The following SMC1B variants were observed in gnomAD, a reference collection of about 807,000 sequenced individuals.
SMC1B encodes the protein structural maintenance of chromosomes 1B.
SMC1B carries 60 observed loss-of-function variants against 157.9 expected under a neutral mutation model. The ratio of observed to expected loss-of-function variants is 0.38; its 90% confidence interval spans 0.31 to 0.47. The LOEUF (loss-of-function observed/expected upper bound fraction) is 0.47, where lower values mean the gene tolerates loss of function less well. Among genes scored for constraint, SMC1B ranks in the 20% least tolerant of loss-of-function variants. SMC1B has a pLI of 0.99. For missense variants in SMC1B, 1,165 were observed against 1,426.2 expected, an observed-to-expected ratio of 0.82 and a Z score of 2.95; for synonymous variants, 445 against 483.0, an observed-to-expected ratio of 0.92 and a Z score of 1.03.
intron 12 of SMC1B, among the ~76,000 whole-genome samples, chr22:45,377,957 T>C (rs1475281222): frequency 6.6e-6 from 1 of 152,014 alleles, no homozygotes. Context: ...TAAGTGTTCC[T>C]CCTGCCAAGT....
intron 5 of SMC1B, among the ~76,000 whole-genome samples, chr22:45,400,384 A>G (rs2087178537): frequency 6.6e-6 from 1 of 152,224 alleles, no homozygotes; most frequent in South Asian, 2.1e-4. Flanking sequence ...TCAAAGGGAC[A>G]CAGGAGCCAA....
rs1449469315 is a variant in SMC1B at position 45,361,937 on chromosome 22, C to A, written c.2610G>T (p.Gln870His). Reference sequence around the variant, plus strand: ...TGACACGTATGTCCTTAAGTTGCTGCTGCTTTGCCATGAGTTCATTCACTG... The same window carrying A: ...TGACACGTATGTCCTTAAGTTGCTGATGCTTTGCCATGAGTTCATTCACTG... The part of the protein sequence containing the change: ...LQTVNELMAK[Q>H]QQLKDIRVTQ... The change falls in exon 17 of 25, where the codon CAG becomes CAT. Residue 870 changes from glutamine (Q) to histidine (H), a missense_variant. Physicochemically the swap from Gln to His is conservative, Grantham distance 24 (BLOSUM62 0). Transcript: ENST00000357450. The A allele has an allele frequency of 1.2e-6, 2 of 1,614,140 alleles. No individual in the cohort carries two copies. Among genetic ancestry groups the A allele is most frequent in the South Asian group, 2.2e-5 (2 of 91,068 alleles).
chr22:45,405,950 C>A (rs1208436814), intron 4 of SMC1B, among the ~76,000 whole-genome samples: 1 of 152,132 alleles, frequency 6.6e-6, no homozygotes, highest in Non-Finnish European at 1.5e-5. Flanking sequence ...AGTGGTAAAA[C>A]AATGTCTCTC....
intron 23 of SMC1B, 37 bp downstream of exon 23, chr22:45,349,691 G>A: frequency 6.4e-7 from 1 of 1,551,300 alleles, no homozygotes; most frequent in Non-Finnish European, 8.9e-7. Flanking sequence ...TCCTTGAATT[G>A]TAGACAGTCT....
chr22:45,357,860 A>G (rs1421148715), intron 19 of SMC1B, among the ~76,000 whole-genome samples: 2 of 152,184 alleles, frequency 1.3e-5, no homozygotes, highest in African/African-American at 4.8e-5. Context: ...ATTCATGATA[A>G]GCCCCCGTCA....
At chr22:45,364,271 G>GC (rs895335389) in intron 15 of SMC1B, among the ~76,000 whole-genome samples, 10 of 151,572 alleles carry the variant, frequency 6.6e-5, no homozygotes, top group East Asian at 5.8e-4. Flanking sequence ...TGCTCACCCT[G>GC]CCCCCCCACC....
intron 15 of SMC1B, among the ~76,000 whole-genome samples, chr22:45,368,549 G>A (rs1483704562): frequency 4.3e-5 from 6 of 140,476 alleles, no homozygotes; most frequent in African/African-American, 8.1e-5. Context: ...ACCGAGTCTC[G>A]CTCTGTCACC....
intron 23 of SMC1B, among the ~76,000 whole-genome samples, chr22:45,346,303 A>C (rs1482431557): frequency 1.3e-5 from 2 of 152,218 alleles, no homozygotes; most frequent in Non-Finnish European, 2.9e-5. Context: ...TGTATTCGTA[A>C]TCCATAATCA....
At chr22:45,394,150 T>C (rs1418525503) in intron 8 of SMC1B, among the ~76,000 whole-genome samples, 1 of 150,936 alleles carries the variant, frequency 6.6e-6, no homozygotes, top group Non-Finnish European at 1.5e-5. Flanking sequence ...CAAAAACCTG[T>C]CTCTACAAAA....
intron 1 of SMC1B, among the ~76,000 whole-genome samples, chr22:45,410,362 C>G (rs755356643): frequency 3.5e-4 from 54 of 152,258 alleles, no homozygotes; most frequent in Middle Eastern, 3.4e-3. Context: ...GTCACCATCA[C>G]TATTATTTCT....
chr22:45,396,423 G>A lies in SMC1B; in HGVS notation c.1177C>T (p.Leu393=). The change falls in exon 7 of 25, where the codon CTG becomes TTG. Residue 393 remains leucine, a synonymous_variant. Coordinates refer to ENST00000357450, the MANE Select transcript of SMC1B (RefSeq NM_148674.5). ...RKKVATMTQQ[L]EKLQWEQKTD... The stretch of plus-strand genomic sequence containing the variant: ...TTCTGTTCCCACTGCAGTTTTTCCA[G>A]TTGTTGAGTCATTGTAGCTACTTTC... The A allele has an allele frequency of 6.2e-7, 1 of 1,613,004 alleles. No individual in the cohort carries two copies. The highest frequency in any genetic ancestry group is 1.7e-5 in the Admixed American group (1 of 59,870).
At chr22:45,362,658 A>G (rs1293764131) in intron 16 of SMC1B, among the ~76,000 whole-genome samples, 3 of 152,086 alleles carry the variant, frequency 2.0e-5, no homozygotes, top group Non-Finnish European at 2.9e-5. Context: ...CCATTCACCA[A>G]TCACCCCAGT....
intron 12 of SMC1B, among the ~76,000 whole-genome samples, chr22:45,374,090 GTTTTTTTTT>G (rs35971057): frequency 2.3e-5 from 2 of 85,514 alleles, no homozygotes; most frequent in Non-Finnish European, 4.1e-5. Context: ...AACAAAGACG[GTTTTTTTTT>G]TTTTTTTTTT....
intron 17 of SMC1B, among the ~76,000 whole-genome samples, chr22:45,360,657 A>G (rs905071158): frequency 6.6e-6 from 1 of 152,170 alleles, no homozygotes; most frequent in African/African-American, 2.4e-5. Context: ...AAAAAATGGA[A>G]GAATGTGTTC....
intron 19 of SMC1B, among the ~76,000 whole-genome samples, chr22:45,357,000 T>G (rs1003455705): frequency 6.6e-6 from 1 of 152,194 alleles, no homozygotes; most frequent in Non-Finnish European, 1.5e-5. Flanking sequence ...CCCAAAGTGC[T>G]GGGATTACAG....
chr22:45,377,276 A>C (rs1403721169), intron 12 of SMC1B, among the ~76,000 whole-genome samples: 1 of 152,122 alleles, frequency 6.6e-6, no homozygotes, highest in African/African-American at 2.4e-5. Context: ...GTCTTTCAAA[A>C]GCACTAGCTT....
At chr22:45,363,356 A>G (rs2086739904) in intron 15 of SMC1B, among the ~76,000 whole-genome samples, 1 of 152,202 alleles carries the variant, frequency 6.6e-6, no homozygotes, top group South Asian at 2.1e-4. Flanking sequence ...ATTAATATCA[A>G]ATTGCTGTCA....
chr22:45,383,867 G>A (rs1217750232), intron 11 of SMC1B, among the ~76,000 whole-genome samples: 1 of 152,116 alleles, frequency 6.6e-6, no homozygotes, highest in Non-Finnish European at 1.5e-5. Flanking sequence ...TATCCGGGTT[G>A]GTTCCAATTT....
At chr22:45,389,440 T>C (rs780907868) in intron 10 of SMC1B, among the ~76,000 whole-genome samples, 4 of 152,132 alleles carry the variant, frequency 2.6e-5, no homozygotes, top group Admixed American at 6.5e-5. Context: ...GGCTAATAGG[T>C]AGAGTGGTGC....
Sources: allele counts gnomAD v4.1 joint callset (sites outside exome capture counted in the v4.1 genomes callset), GRCh38; gene constraint gnomAD v4.1.1; transcripts MANE v1.5; gene names NCBI Gene and HGNC (gene_info 2026-07-23, HGNC 2026-07-21).